MTUS1: variants seen among roughly 807,000 people sequenced by gnomAD.
MTUS1 encodes the protein microtubule-associated tumor suppressor 1.
A neutral mutation model predicts 120.8 loss-of-function variants in MTUS1; 109 were observed. The observed-to-expected ratio is 0.90, with a 90% CI of 0.77 to 1.06. MTUS1 has a LOEUF of 1.06. Ranked by LOEUF, MTUS1 falls within the 50% of genes least tolerant of loss-of-function variation. The probability of loss-of-function intolerance (pLI) is 0.00; values close to 1 mark genes in which losing one functional copy is unlikely to be tolerated. For synonymous variants in MTUS1, 737 were observed against 550.5 expected, an observed-to-expected ratio of 1.34 and a Z score of -4.74; for missense variants, 2,210 against 1,486.3, an observed-to-expected ratio of 1.49 and a Z score of -8.01.
intron 8 of MTUS1, among the ~76,000 whole-genome samples, chr8:17,666,354 T>C (rs1362954241): frequency 2.0e-5 from 3 of 152,138 alleles, no homozygotes; most frequent in Non-Finnish European, 4.4e-5. Flanking sequence ...ACGGATCATT[T>C]TTAGAGCACG....
At chr8:17,721,398 T>C (rs1235275430) in intron 4 of MTUS1, among the ~76,000 whole-genome samples, 1 of 152,186 alleles carries the variant, frequency 6.6e-6, no homozygotes, top group Non-Finnish European at 1.5e-5. Flanking sequence ...ACCAGCTACA[T>C]ACACACAAAA....
intron 2 of MTUS1, among the ~76,000 whole-genome samples, chr8:17,750,009 T>A (rs1446966482): frequency 1.3e-5 from 2 of 152,202 alleles, no homozygotes; most frequent in Non-Finnish European, 2.9e-5. Flanking sequence ...AGAGGTCACT[T>A]TGCCCAGTAA....
chr8:17,706,619 A>C (rs1820220247), intron 6 of MTUS1, among the ~76,000 whole-genome samples: 1 of 152,216 alleles, frequency 6.6e-6, no homozygotes, highest in Non-Finnish European at 1.5e-5. Flanking sequence ...TTGGAAAACA[A>C]TTTGGCTATT....
At chr8:17,675,446 C>G (rs1050151252) in intron 7 of MTUS1, among the ~76,000 whole-genome samples, 194 bp from the exon 8 acceptor site, 3 of 152,178 alleles carry the variant, frequency 2.0e-5, no homozygotes, top group Non-Finnish European at 2.9e-5. Context: ...ATTCAAAAAT[C>G]TGTATTTTTG....
intron 3 of MTUS1, among the ~76,000 whole-genome samples, chr8:17,738,364 T>G (rs1050646211): frequency 7.9e-5 from 12 of 152,270 alleles, no homozygotes; most frequent in African/African-American, 2.9e-4. Flanking sequence ...TCTGTAATCC[T>G]ACCTGGCTCA....
chr8:17,662,827 G>A (rs570047719), intron 8 of MTUS1, among the ~76,000 whole-genome samples: 11 of 135,046 alleles, frequency 8.1e-5, no homozygotes, highest in Non-Finnish European at 1.4e-4. Context: ...ACAGTTCTCA[G>A]GATTTAAGGA....
chr8:17,655,788 C>A, intron 9 of MTUS1, 75 bp downstream of exon 9: 1 of 1,295,992 alleles, frequency 7.7e-7, no homozygotes, highest in Non-Finnish European at 1.1e-6. Flanking sequence ...AGAAGCTCAT[C>A]AAGATGTGAA....
intron 6 of MTUS1, among the ~76,000 whole-genome samples, chr8:17,709,149 AG>A: frequency 1.3e-5 from 2 of 151,664 alleles, no homozygotes; most frequent in South Asian, 4.2e-4. Context: ...AAAAAAAAAA[AG>A]AAAAAGAATT....
At chr8:17,673,586 G>A (rs541912824) in intron 8 of MTUS1, among the ~76,000 whole-genome samples, 2 of 152,212 alleles carry the variant, frequency 1.3e-5, no homozygotes, top group East Asian at 1.9e-4. Flanking sequence ...AGAGTAGCTG[G>A]GACAACAGGC....
chr8:17,720,826 T>C (rs562736509), intron 4 of MTUS1, among the ~76,000 whole-genome samples: 1 of 152,306 alleles, frequency 6.6e-6, no homozygotes, highest in South Asian at 2.1e-4. Context: ...ATGAGCACAT[T>C]TGGTATAGAA....
chr8:17,797,303 C>T (rs1394901430), intron 1 of MTUS1, among the ~76,000 whole-genome samples: 1 of 152,100 alleles, frequency 6.6e-6, no homozygotes, highest in Non-Finnish European at 1.5e-5. Flanking sequence ...GTCCCAGATA[C>T]TCAGGAGGCT....
chr8:17,712,483 C>T (rs925186347), intron 6 of MTUS1, among the ~76,000 whole-genome samples: 29 of 152,062 alleles, frequency 1.9e-4, no homozygotes, highest in African/African-American at 6.8e-4. Flanking sequence ...ACTCCAGGAG[C>T]GTACCACCAC....
At chr8:17,657,025 C>G (rs1214045715) in intron 8 of MTUS1, among the ~76,000 whole-genome samples, 1 of 134,794 alleles carries the variant, frequency 7.4e-6, no homozygotes, top group Non-Finnish European at 1.5e-5. Flanking sequence ...CGCCACTGCA[C>G]TCCAGCCTGG....
chr8:17,780,723 T>C (rs1358596023), intron 1 of MTUS1, among the ~76,000 whole-genome samples: 1 of 152,182 alleles, frequency 6.6e-6, no homozygotes, highest in African/African-American at 2.4e-5. Context: ...TCTGCCTCCT[T>C]ACAATATATT....
intron 1 of MTUS1, among the ~76,000 whole-genome samples, chr8:17,779,893 C>T (rs143631069): frequency 3.3e-5 from 5 of 152,328 alleles, no homozygotes; most frequent in African/African-American, 4.8e-5. Context: ...TGATCTTTCC[C>T]CAAAGCTCCA....
At chr8:17,657,741 C>T (rs1471337084) in intron 8 of MTUS1, among the ~76,000 whole-genome samples, 1 of 132,994 alleles carries the variant, frequency 7.5e-6, no homozygotes, top group African/African-American at 2.8e-5. Context: ...GTGGGAGGAT[C>T]ACTTGAGCTC....
At chr8:17,664,504 A>G (rs1314336784) in intron 8 of MTUS1, among the ~76,000 whole-genome samples, 1 of 148,988 alleles carries the variant, frequency 6.7e-6, no homozygotes, top group Non-Finnish European at 1.5e-5. Flanking sequence ...GGAGAAGAGC[A>G]GCCTGCCTCC....
chr8:17,666,389 C>A (rs1286180691), intron 8 of MTUS1, among the ~76,000 whole-genome samples: 1 of 152,026 alleles, frequency 6.6e-6, no homozygotes, highest in Non-Finnish European at 1.5e-5. Context: ...TGCTAAAAGT[C>A]CTTGGCATGT....
intron 1 of MTUS1, among the ~76,000 whole-genome samples, chr8:17,789,338 G>C (rs551161519): frequency 6.6e-6 from 1 of 152,100 alleles, no homozygotes; most frequent in African/African-American, 2.4e-5. Flanking sequence ...GCCACTTTTA[G>C]TTTTTAAATT....
Sources: gnomAD v4.1 joint callset for allele counts (sites outside exome capture counted in the v4.1 genomes callset) on GRCh38, gnomAD v4.1.1 for gene constraint, MANE v1.5 for transcripts, NCBI Gene and HGNC (gene_info 2026-07-23, HGNC 2026-07-21) for gene names.